PTPN11: variants seen among roughly 807,000 people sequenced by gnomAD.
PTPN11 encodes tyrosine-protein phosphatase non-receptor type 11.
A neutral mutation model predicts 78.8 loss-of-function variants in PTPN11; 6 were observed. That is an observed-to-expected ratio of 0.08 (90% CI 0.04 to 0.15). The LOEUF (loss-of-function observed/expected upper bound fraction) is 0.15, where lower values mean the gene tolerates loss of function less well. PTPN11 is among the 10% of genes least tolerant of loss of function. The probability of loss-of-function intolerance (pLI) is 1.00; values close to 1 mark genes in which losing one functional copy is unlikely to be tolerated. For synonymous variants in PTPN11, 221 were observed against 263.5 expected (o/e 0.84, Z 1.56); for missense variants, 386 against 744.8 (o/e 0.52, Z 5.61).
chr12:112,464,146 T>C (rs2135883360), intron 6 of PTPN11, among the ~76,000 whole-genome samples: 2 of 152,354 alleles, frequency 1.3e-5, no homozygotes, highest in Middle Eastern at 6.8e-3. Context: ...TGTAATGCCA[T>C]TGGTAATTTA....
intron 9 of PTPN11, among the ~76,000 whole-genome samples, chr12:112,478,456 A>G (rs2038544519): frequency 2.0e-5 from 3 of 151,568 alleles, no homozygotes; most frequent in African/African-American, 7.3e-5. Context: ...GACAGCAGTC[A>G]TACGTGTATT....
At chr12:112,486,950 G>C (rs566598587) in intron 11 of PTPN11, 2 of 1,314,276 alleles carry the variant, frequency 1.5e-6, no homozygotes, top group Admixed American at 6.4e-5. Flanking sequence ...TATTCTTCAT[G>C]ATGTTTGCTT....
chr12:112,453,231 G>A lies in PTPN11; in HGVS notation c.369G>A (p.Glu123=), dbSNP rs755619262. The A allele has an allele frequency of 1.9e-6, 3 of 1,612,708 alleles. No individual in the cohort carries two copies. Among genetic ancestry groups the A allele is most frequent in the Non-Finnish European group, 2.5e-6 (3 of 1,179,974 alleles). Reference sequence around the variant, plus strand: ...GACATCTCTCTGGGAAAGAAGCAGAGAAATTATTAACTGAAAAAGGAAAAC... The same window carrying A: ...GACATCTCTCTGGGAAAGAAGCAGAAAAATTATTAACTGAAAAAGGAAAAC... ...FHGHLSGKEA[E]KLLTEKGKHG... Residue 123 remains glutamate (E), a synonymous_variant, in exon 4 of 16, where the codon GAG becomes GAA. Coordinates refer to ENST00000351677, the MANE Select transcript of PTPN11 (RefSeq NM_002834.5).
At chr12:112,480,162 A>G (rs2038573402) in intron 9 of PTPN11, among the ~76,000 whole-genome samples, 1 of 152,134 alleles carries the variant, frequency 6.6e-6, no homozygotes, top group African/African-American at 2.4e-5. Context: ...ATTTAATTTT[A>G]TATTCTCTGG....
rs1380244662 is a variant in PTPN11 at position 112,501,730 on chromosome 12, GCCA to G, written c.1600-413_1600-411del. On this transcript the variant is annotated intron_variant, in intron 13 of 15. Transcript: ENST00000351677. Reference sequence around the variant, plus strand: ...GTGCTACCATCTTTCATTCTTGTGTGCCATTTCTAGTTGGGGTGAATTTGTTTT... The same window carrying G: ...GTGCTACCATCTTTCATTCTTGTGTGTTTCTAGTTGGGGTGAATTTGTTTT... Among the ~76,000 whole-genome samples, 5 of 152,278 alleles carry G rather than the reference GCCA, an allele frequency of 3.3e-5. No individual in the cohort carries two copies. The South Asian group carries it at 8.3e-4, about 25-fold the overall frequency.
intron 6 of PTPN11, among the ~76,000 whole-genome samples, chr12:112,463,851 A>G (rs1223058434): frequency 1.3e-5 from 2 of 152,220 alleles, no homozygotes; most frequent in South Asian, 2.1e-4. Context: ...TAGATCTCCT[A>G]TATACCTGCT....
At chr12:112,456,527 C>G (rs1004775954) in intron 6 of PTPN11, among the ~76,000 whole-genome samples, 2 of 148,658 alleles carry the variant, frequency 1.3e-5, no homozygotes, top group African/African-American at 5.0e-5. Flanking sequence ...GGCGTGATCT[C>G]GGTTTACTGC....
intron 13 of PTPN11, among the ~76,000 whole-genome samples, chr12:112,500,237 C>G (rs1191918469): frequency 1.3e-5 from 2 of 151,998 alleles, no homozygotes; most frequent in Non-Finnish European, 2.9e-5. Context: ...AGCAAGACTC[C>G]ATCTCAAAAA....
At chr12:112,428,396 C>CTTTTTTTT (rs11312766) in intron 1 of PTPN11, among the ~76,000 whole-genome samples, 1 of 84,468 alleles carries the variant, frequency 1.2e-5, no homozygotes, top group African/African-American at 4.3e-5. Flanking sequence ...TGTGTGTTGT[C>CTTTTTTTT]TTTTTTTTTT....
rs2135862010 is a variant in PTPN11 at position 112,450,351 on chromosome 12, G to A, written c.171G>A (p.Gln57=). The A allele has an allele frequency of 6.2e-7, 1 of 1,613,134 alleles. No individual in the cohort carries two copies. The highest frequency in any genetic ancestry group is 8.5e-7 in the Non-Finnish European group (1 of 1,179,168). Residue 57 remains glutamine, a synonymous_variant, in exon 3 of 16, where the codon CAG becomes CAA. Transcript: ENST00000351677. Reference sequence around the variant, plus strand: ...GAGCTGTCACCCACATCAAGATTCAGAACACTGGTGATTACTATGACCTGT... The same window carrying A: ...GAGCTGTCACCCACATCAAGATTCAAAACACTGGTGATTACTATGACCTGT... The part of the protein sequence containing the change: ...RNGAVTHIKI[Q]NTGDYYDLYG...
chr12:112,422,585 G>A (rs570642464), intron 1 of PTPN11, among the ~76,000 whole-genome samples: 2 of 152,294 alleles, frequency 1.3e-5, no homozygotes, highest in South Asian at 4.1e-4. Flanking sequence ...ATCTCTTGCA[G>A]GTCAAGTACA....
At chr12:112,428,288 T>C (rs1296680133) in intron 1 of PTPN11, among the ~76,000 whole-genome samples, 1 of 152,146 alleles carries the variant, frequency 6.6e-6, no homozygotes, top group Non-Finnish European at 1.5e-5. Flanking sequence ...CCAGGTTATA[T>C]GGATGTACTT....
At chr12:112,421,181 T>C (rs2037517757) in intron 1 of PTPN11, among the ~76,000 whole-genome samples, 1 of 152,226 alleles carries the variant, frequency 6.6e-6, no homozygotes, top group Non-Finnish European at 1.5e-5. Flanking sequence ...ATAATACACA[T>C]AATTTTGAAT....
intron 7 of PTPN11, among the ~76,000 whole-genome samples, chr12:112,473,569 G>A (rs572533020): frequency 6.6e-5 from 10 of 152,118 alleles, no homozygotes; most frequent in African/African-American, 1.9e-4. Flanking sequence ...TTTGTGGGCC[G>A]GGCGCAGTGG....
Position 112,506,919 on chromosome 12 carries a change from TCA to T in PTPN11, c.*1130_*1131del. On this transcript the variant is annotated 3_prime_UTR_variant, in exon 16 of 16. Transcript: ENST00000351677. ...TTCTGAAAACTTAAGTCCAGAATTGTCACAGTGTCCCTTCTACTTCCCTCTAT... is the reference window on the plus strand; with the variant it reads ...TTCTGAAAACTTAAGTCCAGAATTGTCAGTGTCCCTTCTACTTCCCTCTAT... The T allele has an allele frequency of 4.7e-6, 1 of 212,302 alleles. No homozygotes were observed. Among genetic ancestry groups the T allele is most frequent in the Non-Finnish European group, 9.5e-6 (1 of 105,144 alleles). 13.2% of individuals were successfully genotyped at this position (212,302 alleles called of 1,614,324 possible).
rs536492654 is a variant in PTPN11, at chr12:112,497,400, A to T, written c.1600-4744A>T. On this transcript the variant is annotated intron_variant, in intron 13 of 15. Coordinates refer to ENST00000351677, the MANE Select transcript of PTPN11 (RefSeq NM_002834.5). ...GCCTTTTCTGTTGCAGACATTGATT[A>T]GATGCTGAGGTTGTAACAATGAAGA... Among the ~76,000 whole-genome samples, 12 of 152,270 alleles carry T rather than the reference A, an allele frequency of 7.9e-5. No individual in the cohort carries two copies. In the South Asian group the frequency reaches 2.5e-3, roughly 32 times the overall value.
intron 13 of PTPN11, among the ~76,000 whole-genome samples, chr12:112,494,774 T>C (rs928486731): frequency 6.6e-6 from 1 of 152,196 alleles, no homozygotes; most frequent in African/African-American, 2.4e-5. Flanking sequence ...AAACCTCACA[T>C]ATGTGTACAG....
At chr12:112,430,674 T>G (rs574226572) in intron 1 of PTPN11, among the ~76,000 whole-genome samples, 2 of 152,234 alleles carry the variant, frequency 1.3e-5, no homozygotes, top group African/African-American at 4.8e-5. Flanking sequence ...TTGACCTCGC[T>G]TCAGCCTTTA....
chr12:112,432,668 C>CAAA (rs558861452), intron 1 of PTPN11, among the ~76,000 whole-genome samples: 5 of 60,196 alleles, frequency 8.3e-5, no homozygotes, highest in Non-Finnish European at 1.8e-4. Context: ...AACTCCATCT[C>CAAA]AAAAAAAAAA....
Sources: gnomAD v4.1 joint callset for allele counts (sites outside exome capture counted in the v4.1 genomes callset) on GRCh38, gnomAD v4.1.1 for gene constraint, MANE v1.5 for transcripts, NCBI Gene and HGNC (gene_info 2026-07-23, HGNC 2026-07-21) for gene names.